Variants in DIP2C observed in about 807,000 individuals in gnomAD.
DIP2C encodes the protein disco-interacting protein 2 homolog C.
DIP2C carries 33 observed loss-of-function variants against 192.4 expected under a neutral mutation model. The ratio of observed to expected loss-of-function variants is 0.17; its 90% CI spans 0.13 to 0.23. The LOEUF is 0.23. Among genes scored for constraint, DIP2C ranks in the 10% least tolerant of loss-of-function variants. The probability of loss-of-function intolerance (pLI) is 1.00; values close to 1 mark genes in which losing one functional copy is unlikely to be tolerated. For missense variants in DIP2C, 1,537 were observed against 2,110.1 expected (o/e 0.73, Z 5.32); for synonymous variants, 979 against 864.1 (o/e 1.13, Z -2.33).
chr10:446,280 A>G (rs181378806), intron 3 of DIP2C, among the ~76,000 whole-genome samples: 95 of 152,048 alleles, frequency 6.2e-4, no homozygotes, highest in Non-Finnish European at 1.1e-3. Context: ...CTCACGGTCC[A>G]CTGGGCATCT....
At position 636,195 on chromosome 10, in the gene DIP2C, CCAACGGCT is replaced by C. The variant is rs1302174160; in HGVS notation, c.85+53291_85+53298del. On this transcript the variant is annotated intron_variant, in intron 1 of 36. Transcript: ENST00000280886. The surrounding 1 kb of genome is among the most constrained non-coding windows in gnomAD (Gnocchi z 4.6). ...GAAATCCCCACAAGTCGACAGAACA[CCAACGGCT>C]CGTCGGCTCGTCGGCTCTTCCCGGC... 3.9e-5 allele frequency among the ~76,000 whole-genome samples: 6 copies of C among 152,216 alleles called. No homozygotes were observed. Among genetic ancestry groups the C allele is most frequent in the South Asian group, 4.1e-4 (2 of 4,832 alleles).
At position 400,385 on chromosome 10, in the gene DIP2C, C is replaced by T. The variant is rs144442386; in HGVS notation, c.1150-1166G>A. ...ATCTTGACGAAGAACAATTTTCCTTCGATGATAGAGTGTTAATAGACAACC... is the reference window on the plus strand; with the variant it reads ...ATCTTGACGAAGAACAATTTTCCTTTGATGATAGAGTGTTAATAGACAACC... On this transcript the variant is annotated intron_variant, in intron 9 of 36. Transcript: ENST00000280886. 2.8e-4 allele frequency among the ~76,000 whole-genome samples: 43 copies of T among 152,284 alleles called. No individual in the cohort carries two copies. In the East Asian group the frequency reaches 6.0e-3, roughly 21 times the overall value.
chr10:392,904 G>A lies in DIP2C; in HGVS notation c.1261-2041C>T, dbSNP rs556640953. Among the ~76,000 whole-genome samples the A allele has an allele frequency of 3.0e-4, 45 of 151,116 alleles. 1 individual carries two copies. The highest frequency in any genetic ancestry group is 2.9e-3 in the South Asian group (14 of 4,762). ...CACACACACGTGCCCACACACAGGC[G>A]CGCACACACACTCAACAAAGAAAGG... On this transcript the variant is annotated intron_variant, in intron 10 of 36. Coordinates refer to ENST00000280886, the MANE Select transcript of DIP2C (RefSeq NM_014974.3).
chr10:337,800 C>CTGTGT lies in DIP2C; in HGVS notation c.3584+3398_3584+3399insACACA, dbSNP rs1564577014. ...AGGCCTAGGCAGCTGTGTGTGTGCA[C>CTGTGT]GTGTGTCGTGGAGGCCTACGCAGCT... On this transcript the variant is annotated intron_variant, in intron 29 of 36. Transcript: ENST00000280886. Among the ~76,000 whole-genome samples the CTGTGT allele has an allele frequency of 5.0e-4, 61 of 122,640 alleles. 3 individuals carry two copies. The highest frequency in any genetic ancestry group is 1.9e-3 in the African/African-American group (56 of 29,932). The allele number at this position is 122,640 out of a possible 152,430, so 80.5% of individuals were successfully genotyped here. A position where few individuals can be genotyped will look rare whatever the true frequency, so the allele number is the denominator to read the frequency against.
At chr10:419,387 T>C (rs1230136969) in intron 5 of DIP2C, among the ~76,000 whole-genome samples, 188 bp from the exon 6 acceptor site, 2 of 152,194 alleles carry the variant, frequency 1.3e-5, no homozygotes, top group East Asian at 1.9e-4. Flanking sequence ...GCATAACTCA[T>C]GTTGCCGCAA....
intron 2 of DIP2C, among the ~76,000 whole-genome samples, chr10:477,825 G>A (rs1033003773): frequency 2.9e-5 from 4 of 136,092 alleles, no homozygotes; most frequent in African/African-American, 1.1e-4. Flanking sequence ...AAACAAGAGA[G>A]AAGGAGAAGG....
intron 4 of DIP2C, among the ~76,000 whole-genome samples, chr10:439,799 G>A (rs1222929771): frequency 1.3e-5 from 2 of 152,126 alleles, no homozygotes; most frequent in Admixed American, 6.5e-5. Flanking sequence ...CTGTCTCACT[G>A]CTTGCCAAGA....
chr10:503,988 C>A (rs772136668), intron 1 of DIP2C, among the ~76,000 whole-genome samples: 3 of 152,212 alleles, frequency 2.0e-5, no homozygotes, highest in Non-Finnish European at 4.4e-5. Flanking sequence ...TTCCTGATCA[C>A]ACTTAAAGTC....
intron 31 of DIP2C, among the ~76,000 whole-genome samples, chr10:317,861 G>A (rs576786958): frequency 1.5e-4 from 23 of 152,326 alleles, no homozygotes; most frequent in Non-Finnish European, 3.1e-4. Context: ...GAATTCGAAT[G>A]TTCCTCTTCT....
chr10:442,350 T>G (rs35250636), intron 3 of DIP2C, among the ~76,000 whole-genome samples: 1 of 152,058 alleles, frequency 6.6e-6, no homozygotes, highest in Non-Finnish European at 1.5e-5. Flanking sequence ...TCAGCCTTTG[T>G]GCGTACTTCT....
At chr10:454,054 A>G (rs11252519) in intron 3 of DIP2C, among the ~76,000 whole-genome samples, 22,110 of 152,266 alleles carry the variant, frequency 0.15, 4,046 homozygotes, top group African/African-American at 0.43. Context: ...AGAAGGCAAT[A>G]AAGGGTGAAT....
At chr10:393,546 G>A (rs1010747098) in intron 10 of DIP2C, among the ~76,000 whole-genome samples, 19 of 152,094 alleles carry the variant, frequency 1.2e-4, no homozygotes, top group Non-Finnish European at 2.2e-4. Context: ...GGGTGGCCAC[G>A]GCAGGCAGAT....
intron 14 of DIP2C, 25 bp from the exon 15 acceptor site, chr10:384,664 G>T: frequency 6.2e-7 from 1 of 1,611,722 alleles, no homozygotes. Flanking sequence ...GGAACACGCA[G>T]GGTGAGCATG....
At position 582,746 on chromosome 10, in the gene DIP2C, C is replaced by T. The variant is rs532808836; in HGVS notation, c.86-96216G>A. ...TGTGAGACCCTGTGCTTGGGAAGCA[C>T]CAGCGTGGCCACGTGGCCGGCCTCT... On this transcript the variant is annotated intron_variant, in intron 1 of 36. Transcript: ENST00000280886. Among the ~76,000 whole-genome samples the T allele has an allele frequency of 1.1e-3, 162 of 152,272 alleles. 2 individuals are homozygous for T. Among genetic ancestry groups the T allele is most frequent in the African/African-American group, 3.3e-3 (138 of 41,564 alleles).
At chr10:278,475 G>C (rs1954641739) in intron 36 of DIP2C, among the ~76,000 whole-genome samples, 1 of 152,214 alleles carries the variant, frequency 6.6e-6, no homozygotes, top group African/African-American at 2.4e-5. Flanking sequence ...CTGGCCCTTG[G>C]GTCCGGAGGA....
chr10:480,814 T>C (rs888652754), intron 2 of DIP2C, among the ~76,000 whole-genome samples: 7 of 152,210 alleles, frequency 4.6e-5, no homozygotes, highest in Admixed American at 3.9e-4. Context: ...CCCTGTGAAG[T>C]GCCGACGGGA....
At chr10:439,534 C>T (rs1967557522) in intron 4 of DIP2C, among the ~76,000 whole-genome samples, 1 of 152,156 alleles carries the variant, frequency 6.6e-6, no homozygotes, top group East Asian at 1.9e-4. Context: ...GGAGGACCGC[C>T]TGAGCCCAGG....
intron 3 of DIP2C, among the ~76,000 whole-genome samples, chr10:469,873 C>T (rs2133428611): frequency 6.6e-6 from 1 of 152,326 alleles, no homozygotes; most frequent in South Asian, 2.1e-4. Flanking sequence ...ATGTGTCACA[C>T]TCCCTCATCT....
Position 357,645 on chromosome 10 carries a change from G to A in DIP2C, c.2904+183C>T, listed in dbSNP as rs566790205. Among the ~76,000 whole-genome samples the A allele has an allele frequency of 8.5e-5, 13 of 152,336 alleles. 1 individual carries two copies. The highest frequency in any genetic ancestry group is 1.5e-4 in the Non-Finnish European group (10 of 68,024). On this transcript the variant is annotated intron_variant, in intron 23 of 36. Transcript: ENST00000280886. ...TGCAGTGGTGGTCCACCACCAGCGC[G>A]CGACATCGGAGACTGTCGGGAAAGT...
Sources: allele counts gnomAD v4.1 joint callset (sites outside exome capture counted in the v4.1 genomes callset), GRCh38; gene constraint gnomAD v4.1.1; non-coding constraint Gnocchi (gnomAD v3.1); transcripts MANE v1.5; gene names NCBI Gene and HGNC (gene_info 2026-07-23, HGNC 2026-07-21).